SAMD4A: variants seen among roughly 807,000 people sequenced by gnomAD.
The protein encoded by SAMD4A is protein Smaug homolog 1.
SAMD4A carries 33 observed loss-of-function variants against 81.3 expected under a neutral mutation model. That is an observed-to-expected ratio of 0.41 (90% CI 0.31 to 0.54). The LOEUF is 0.54. Among genes scored for constraint, SAMD4A ranks in the 20% least tolerant of loss-of-function variants. The pLI is 0.37. For missense variants in SAMD4A, 854 were observed against 951.1 expected, an observed-to-expected ratio of 0.90 and a Z score of 1.34; for synonymous variants, 389 against 382.1, an observed-to-expected ratio of 1.02 and a Z score of -0.21.
chr14:54,691,792 A>C (rs2036450340), intron 2 of SAMD4A, among the ~76,000 whole-genome samples: 3 of 152,182 alleles, frequency 2.0e-5, no homozygotes, highest in Admixed American at 2.0e-4. Flanking sequence ...CAGGCTGAAT[A>C]TGTTCCAGGG....
At chr14:54,740,679 A>C (rs1041655868) in intron 4 of SAMD4A, among the ~76,000 whole-genome samples, 1 of 152,134 alleles carries the variant, frequency 6.6e-6, no homozygotes, top group Non-Finnish European at 1.5e-5. Context: ...ATGGTCCAGC[A>C]TTCTTGCTCT....
Position 54,740,953 on chromosome 14 carries a change from C to T in SAMD4A, c.979+3666C>T, listed in dbSNP as rs1276338293. Among the ~76,000 whole-genome samples the T allele has an allele frequency of 2.6e-5, 4 of 152,166 alleles. 1 individual carries two copies. The highest frequency in any genetic ancestry group is 4.1e-4 in the South Asian group (2 of 4,830). ...CAAGCTAAAGAAAAAATGAGATCCA[C>T]AATTTAGCTTGAAACTAACCCAAGA... is the stretch of plus-strand genomic sequence containing the variant. On this transcript the variant is annotated intron_variant, in intron 4 of 12. Transcript: ENST00000554335.
chr14:54,711,642 C>T (rs369947938), intron 3 of SAMD4A, among the ~76,000 whole-genome samples: 28 of 152,118 alleles, frequency 1.8e-4, no homozygotes, highest in Admixed American at 5.9e-4. Flanking sequence ...ATATTCAGTG[C>T]CTGGATTTTG....
intron 2 of SAMD4A, among the ~76,000 whole-genome samples, chr14:54,653,618 A>C (rs2035456321): frequency 6.6e-6 from 1 of 152,038 alleles, no homozygotes; most frequent in Non-Finnish European, 1.5e-5. Context: ...GGGACTACAC[A>C]CATGAGCCAC....
intron 2 of SAMD4A, among the ~76,000 whole-genome samples, chr14:54,663,079 A>T (rs1162432377): frequency 6.6e-6 from 1 of 152,244 alleles, no homozygotes; most frequent in East Asian, 1.9e-4. Context: ...GAGAGAAGTG[A>T]CTGAAACTGA....
chr14:54,594,886 T>A (rs1042486847), intron 2 of SAMD4A, among the ~76,000 whole-genome samples: 7 of 152,208 alleles, frequency 4.6e-5, no homozygotes, highest in Non-Finnish European at 1.0e-4. Context: ...CCACTTCAAA[T>A]AATACATCTT....
At chr14:54,687,727 C>T (rs552681259) in intron 2 of SAMD4A, among the ~76,000 whole-genome samples, 62 of 152,230 alleles carry the variant, frequency 4.1e-4, no homozygotes, top group Non-Finnish European at 8.5e-4. Context: ...AGTGTCTCTG[C>T]GCCTTGGTGT....
chr14:54,628,908 GTTTTGGTTTTTTTT>G (rs2034828689), intron 2 of SAMD4A, among the ~76,000 whole-genome samples: 1 of 152,014 alleles, frequency 6.6e-6, no homozygotes, highest in African/African-American at 2.4e-5. Flanking sequence ...CTTAACTGTA[GTTTTGGTTTTTTTT>G]TAAACACAAA....
At chr14:54,610,651 A>T (rs2034328670) in intron 2 of SAMD4A, among the ~76,000 whole-genome samples, 1 of 152,226 alleles carries the variant, frequency 6.6e-6, no homozygotes, top group Non-Finnish European at 1.5e-5. Flanking sequence ...CTCACTGTTG[A>T]TAAAGTCTCG....
Position 54,776,456 on chromosome 14 carries a change from A to G in SAMD4A, c.1960A>G (p.Ser654Gly). ...CCCCGGGGGCAGCAATAGCATGCCAAGCCGCACCCACAGCTCAGTCCAGAG... is the reference window on the plus strand; with the variant it reads ...CCCCGGGGGCAGCAATAGCATGCCAGGCCGCACCCACAGCTCAGTCCAGAG... ...ANPGGSNSMP[S>G]RTHSSVQRTR... The change falls in exon 11 of 13, where the codon AGC becomes GGC. Residue 654 changes from serine (S) to glycine (G), a missense_variant. Physicochemically the swap from Ser to Gly is moderately conservative, Grantham distance 56. This residue lies in a region of SAMD4A where 428 missense variants were observed against 471.2 expected (regional missense o/e 0.91). Transcript: ENST00000554335. The G allele has an allele frequency of 6.3e-7, 1 of 1,595,424 alleles. No homozygotes were observed. Among genetic ancestry groups the G allele is most frequent in the Non-Finnish European group, 8.5e-7 (1 of 1,171,888 alleles).
At chr14:54,723,926 C>G (rs544919756) in intron 3 of SAMD4A, among the ~76,000 whole-genome samples, 1 of 151,654 alleles carries the variant, frequency 6.6e-6, no homozygotes, top group Non-Finnish European at 1.5e-5. Flanking sequence ...TTTTAGTTGG[C>G]CTTCATTGTC....
intron 2 of SAMD4A, among the ~76,000 whole-genome samples, chr14:54,585,742 C>A (rs2033597982): frequency 6.6e-6 from 1 of 152,154 alleles, no homozygotes; most frequent in Non-Finnish European, 1.5e-5. Context: ...GTCTCCAGTT[C>A]CATCCAGGTT....
intron 11 of SAMD4A, among the ~76,000 whole-genome samples, chr14:54,782,272 G>A (rs1246138265): frequency 6.6e-6 from 1 of 151,966 alleles, no homozygotes; most frequent in Admixed American, 6.6e-5. Flanking sequence ...TTAAAGGGGA[G>A]CGCTGGAGAG....
chr14:54,586,378 A>T (rs1186504882), intron 2 of SAMD4A, among the ~76,000 whole-genome samples: 2 of 152,096 alleles, frequency 1.3e-5, no homozygotes, highest in Non-Finnish European at 1.5e-5. Context: ...TCTGTGGGTT[A>T]TCTGTTTACT....
chr14:54,587,721 A>T (rs1321439591), intron 2 of SAMD4A, among the ~76,000 whole-genome samples: 1 of 152,204 alleles, frequency 6.6e-6, no homozygotes, highest in Non-Finnish European at 1.5e-5. Flanking sequence ...TCATCCCTGC[A>T]TCCCTGATAT....
At chr14:54,640,548 G>A (rs551127618) in intron 2 of SAMD4A, among the ~76,000 whole-genome samples, 11 of 152,240 alleles carry the variant, frequency 7.2e-5, no homozygotes, top group Non-Finnish European at 1.0e-4. Flanking sequence ...TGGAGAAGCC[G>A]GCAGTTTTGT....
chr14:54,570,866 G>A (rs998357296), intron 2 of SAMD4A, among the ~76,000 whole-genome samples: 10 of 152,180 alleles, frequency 6.6e-5, no homozygotes, highest in African/African-American at 2.2e-4. Context: ...TGTGCAGAAT[G>A]ACTCATTCAT....
At chr14:54,774,261 C>T (rs2038779174) in intron 9 of SAMD4A, among the ~76,000 whole-genome samples, 1 of 152,230 alleles carries the variant, frequency 6.6e-6, no homozygotes, top group Non-Finnish European at 1.5e-5. Context: ...AAGGAGAGAG[C>T]ACCTACTTCA....
intron 2 of SAMD4A, among the ~76,000 whole-genome samples, chr14:54,585,305 A>AT (rs1566533226): frequency 6.6e-6 from 1 of 152,204 alleles, no homozygotes; most frequent in Non-Finnish European, 1.5e-5. Context: ...GTTTCTTACA[A>AT]TGCTGTGGTA....
Sources: allele counts gnomAD v4.1 joint callset (sites outside exome capture counted in the v4.1 genomes callset), GRCh38; gene constraint gnomAD v4.1.1; regional missense constraint gnomAD v4.1.1; transcripts MANE v1.5; gene names NCBI Gene and HGNC (gene_info 2026-07-23, HGNC 2026-07-21).